Variants in GPC3 observed in about 807,000 individuals in gnomAD.
The protein encoded by GPC3 is glypican 3.
A neutral mutation model predicts 34.4 loss-of-function variants in GPC3; 3 were observed. The ratio of observed to expected loss-of-function variants is 0.09; its 90% CI spans 0.04 to 0.23. The LOEUF is 0.23. Ranked by LOEUF, GPC3 falls within the 10% of genes least tolerant of loss-of-function variation. The pLI, the probability that GPC3 is intolerant of heterozygous loss-of-function variation, is 1.00. For synonymous variants in GPC3, 177 were observed against 174.0 expected (o/e 1.02, Z -0.13); for missense variants, 351 against 445.6 (o/e 0.79, Z 1.91).
intron 2 of GPC3, among the ~76,000 whole-genome samples, chrX:133,886,326 T>C (rs1432945499): frequency 7.8e-5 from 8 of 102,196 alleles, no homozygotes; most frequent in Admixed American, 7.6e-4. Flanking sequence ...CTGAGCAACA[T>C]AGTGAGACTC....
At chrX:133,703,547 G>A in intron 3 of GPC3, among the ~76,000 whole-genome samples, 1 of 107,300 alleles carries the variant, frequency 9.3e-6, no homozygotes, top group South Asian at 4.3e-4. Flanking sequence ...TGCAAGCTCT[G>A]CCTCCTGGGT....
chrX:133,720,860 T>C (rs1431531104), intron 3 of GPC3, among the ~76,000 whole-genome samples: 1 of 108,836 alleles, frequency 9.2e-6, no homozygotes, highest in Non-Finnish European at 1.9e-5. Flanking sequence ...GGCATAAGAA[T>C]GATATAATGG....
rs1165193952 is a variant in GPC3 at position 133,863,648 on chromosome X, C to CTTTTTTTTTTTTTTTTT, written c.337+89385_337+89401dup. On this transcript the variant is annotated intron_variant, in intron 2 of 7. Transcript: ENST00000370818. ...ACCCCTAGTTAACATAAAAATATTC[C>CTTTTTTTTTTTTTTTTT]TTTTTTTTTTTTTTTTTTGAGACGG... 7.4e-4 allele frequency among the ~76,000 whole-genome samples: 54 copies of CTTTTTTTTTTTTTTTTT among 72,871 alleles called. 9 individuals are homozygous for CTTTTTTTTTTTTTTTTT. The highest frequency in any genetic ancestry group is 3.2e-3 in the African/African-American group (38 of 11,971). The allele number at this position is 72,871 out of a possible 115,157, so 63.3% of individuals were successfully genotyped here. A position where few individuals can be genotyped will look rare whatever the true frequency, so the allele number is the denominator to read the frequency against.
At chrX:133,621,748 C>G (rs949459476) in intron 6 of GPC3, among the ~76,000 whole-genome samples, 3 of 112,408 alleles carry the variant, frequency 2.7e-5, no homozygotes, top group Non-Finnish European at 5.6e-5. Context: ...GAACAAAAGG[C>G]AGCAGAAAGT....
intron 2 of GPC3, among the ~76,000 whole-genome samples, chrX:133,899,717 G>C (rs1339054617): frequency 9.0e-6 from 1 of 111,277 alleles, no homozygotes; most frequent in Non-Finnish European, 1.9e-5. Flanking sequence ...TTTCCCACCA[G>C]CTATTGGAAA....
At chrX:133,799,538 T>C (rs2124518089) in intron 2 of GPC3, among the ~76,000 whole-genome samples, 1 of 111,820 alleles carries the variant, frequency 8.9e-6, no homozygotes, top group Non-Finnish European at 1.9e-5. Flanking sequence ...TGGATCATAT[T>C]CATCTTTCTA....
intron 2 of GPC3, among the ~76,000 whole-genome samples, chrX:133,775,075 G>A (rs189756665): frequency 5.4e-5 from 6 of 110,966 alleles, no homozygotes; most frequent in East Asian, 2.8e-4. Flanking sequence ...CATAGCAGCC[G>A]TTAAGTCTGT....
chrX:133,939,019 A>G (rs1287477021), intron 2 of GPC3, among the ~76,000 whole-genome samples: 1 of 111,804 alleles, frequency 8.9e-6, no homozygotes, highest in Non-Finnish European at 1.9e-5. Flanking sequence ...TTCTTAAGCA[A>G]AGTTTAATGT....
intron 2 of GPC3, among the ~76,000 whole-genome samples, chrX:133,828,885 T>C (rs1225742139): frequency 8.9e-6 from 1 of 112,166 alleles, no homozygotes; most frequent in Non-Finnish European, 1.9e-5. Context: ...GTGATAGATA[T>C]GTTAACTGGC....
At chrX:133,655,476 CCACACACACACACACA>C (rs758691994) in intron 6 of GPC3, among the ~76,000 whole-genome samples, 3 of 97,620 alleles carry the variant, frequency 3.1e-5, no homozygotes, top group Non-Finnish European at 6.2e-5. Flanking sequence ...CTTCACACAC[CCACACACACACACACA>C]CACACACACA....
At chrX:133,895,996 T>G in intron 2 of GPC3, among the ~76,000 whole-genome samples, 1 of 111,741 alleles carries the variant, frequency 8.9e-6, no homozygotes, top group East Asian at 2.8e-4. Flanking sequence ...CCCCATGAAT[T>G]TAGGGTGTTG....
At chrX:133,718,737 G>A (rs1275519994) in intron 3 of GPC3, among the ~76,000 whole-genome samples, 2 of 111,202 alleles carry the variant, frequency 1.8e-5, no homozygotes, top group South Asian at 3.8e-4. Context: ...ACACAAATAC[G>A]TTGAAAGTAA....
At chrX:133,919,406 G>C (rs1465251504) in intron 2 of GPC3, among the ~76,000 whole-genome samples, 2 of 111,917 alleles carry the variant, frequency 1.8e-5, no homozygotes, top group Non-Finnish European at 3.8e-5. Context: ...TAATGTAAAA[G>C]ACAAAGAGAA....
At chrX:133,819,274 C>T (rs1286470223) in intron 2 of GPC3, among the ~76,000 whole-genome samples, 1 of 104,573 alleles carries the variant, frequency 9.6e-6, no homozygotes, top group Admixed American at 1.1e-4. Flanking sequence ...ACACTTACGG[C>T]GTCAGGGGCT....
intron 3 of GPC3, among the ~76,000 whole-genome samples, chrX:133,720,587 A>T (rs1217262903): frequency 8.9e-6 from 1 of 111,897 alleles, no homozygotes; most frequent in Non-Finnish European, 1.9e-5. Flanking sequence ...TTCTTTTGTA[A>T]ATTGCCCAGT....
chrX:133,795,865 T>C (rs1603249128), intron 2 of GPC3, among the ~76,000 whole-genome samples: 1 of 110,375 alleles, frequency 9.1e-6, no homozygotes, highest in African/African-American at 3.3e-5. Flanking sequence ...CTACAGTCAT[T>C]TTTCACAGTT....
At chrX:133,569,598 C>T (rs758490534) in intron 7 of GPC3, among the ~76,000 whole-genome samples, 93 of 112,256 alleles carry the variant, frequency 8.3e-4, no homozygotes, top group Non-Finnish European at 1.4e-3. Context: ...AAATTCTTCT[C>T]TAACCAGACA....
At chrX:133,924,897 G>C (rs772354665) in intron 2 of GPC3, among the ~76,000 whole-genome samples, 1 of 109,959 alleles carries the variant, frequency 9.1e-6, no homozygotes, top group Admixed American at 9.8e-5. Flanking sequence ...CAGAGGTGTA[G>C]AAGAGGTGGG....
chrX:133,901,510 G>A (rs751479525), intron 2 of GPC3, among the ~76,000 whole-genome samples: 6 of 110,720 alleles, frequency 5.4e-5, no homozygotes, highest in Middle Eastern at 4.6e-3. Context: ...GCACGGTCTC[G>A]GCTCACTGCA....
Sources: allele counts gnomAD v4.1 joint callset (sites outside exome capture counted in the v4.1 genomes callset), GRCh38; gene constraint gnomAD v4.1.1; transcripts MANE v1.5; gene names NCBI Gene and HGNC (gene_info 2026-07-23, HGNC 2026-07-21).